TTC13: variants seen among roughly 807,000 people sequenced by gnomAD.
TTC13 encodes tetratricopeptide repeat domain 13.
In TTC13, 62 loss-of-function variants were observed where a neutral mutation model predicts 120.0. The observed-to-expected ratio is 0.52, with a 90% CI of 0.42 to 0.64. TTC13 has a LOEUF of 0.64. TTC13 is among the 30% of genes least tolerant of loss of function. The probability of loss-of-function intolerance (pLI) is 0.00; values close to 1 mark genes in which losing one functional copy is unlikely to be tolerated. For synonymous variants in TTC13, 384 were observed against 393.5 expected, an observed-to-expected ratio of 0.98 and a Z score of 0.28; for missense variants, 824 against 1,050.2, an observed-to-expected ratio of 0.78 and a Z score of 2.98.
chr1:230,936,054 G>C (rs1674022026), intron 8 of TTC13: 1 of 382,988 alleles, frequency 2.6e-6, no homozygotes, highest in African/African-American at 2.1e-5. Flanking sequence ...AGGTGGGGAT[G>C]GGGTGGGGCA....
chr1:230,976,779 A>C (rs1441247701), intron 1 of TTC13, among the ~76,000 whole-genome samples: 1 of 152,250 alleles, frequency 6.6e-6, no homozygotes, highest in African/African-American at 2.4e-5. Context: ...TCGTAATACA[A>C]GTCAGAGCTG....
At chr1:230,952,675 T>G (rs1396105358) in intron 4 of TTC13, among the ~76,000 whole-genome samples, 1 of 152,054 alleles carries the variant, frequency 6.6e-6, no homozygotes, top group South Asian at 2.1e-4. Flanking sequence ...CAACTATAAA[T>G]GGACAAAACA....
At chr1:230,914,963 T>C (rs1022162110) in intron 18 of TTC13, among the ~76,000 whole-genome samples, 1 of 152,102 alleles carries the variant, frequency 6.6e-6, no homozygotes, top group African/African-American at 2.4e-5. Flanking sequence ...AGGAATCTGA[T>C]CTGAGGATAC....
At chr1:230,968,290 A>G (rs576296798) in intron 1 of TTC13, among the ~76,000 whole-genome samples, 1 of 94,168 alleles carries the variant, frequency 1.1e-5, no homozygotes, top group Admixed American at 1.1e-4. Context: ...AGTATTAGGT[A>G]TATGCACACT....
chr1:230,967,423 CTT>C (rs1677233590), intron 1 of TTC13, among the ~76,000 whole-genome samples: 1 of 151,528 alleles, frequency 6.6e-6, no homozygotes, highest in African/African-American at 2.4e-5. Flanking sequence ...TTACCAGAAA[CTT>C]TAAATCAGGA....
chr1:230,956,217 C>A (rs565467661), intron 3 of TTC13, among the ~76,000 whole-genome samples: 1 of 152,388 alleles, frequency 6.6e-6, no homozygotes, highest in African/African-American at 2.4e-5. Flanking sequence ...CAGAGCCTAA[C>A]CTCCCAGGCA....
chr1:230,939,161 A>G (rs1034053340), intron 8 of TTC13, among the ~76,000 whole-genome samples: 2 of 152,264 alleles, frequency 1.3e-5, no homozygotes, highest in Non-Finnish European at 2.9e-5. Context: ...GATAAATTAT[A>G]TGTGGAAAAA....
At chr1:230,960,060 T>C (rs1324344267) in intron 2 of TTC13, among the ~76,000 whole-genome samples, 1 of 152,192 alleles carries the variant, frequency 6.6e-6, no homozygotes, top group Non-Finnish European at 1.5e-5. Flanking sequence ...CAATGCCTGG[T>C]ACATAATGCA....
At position 230,961,211 on chromosome 1, in the gene TTC13, G is replaced by A. The variant is rs780299306; in HGVS notation, c.364C>T (p.Leu122=). Residue 122 remains leucine (L), a splice_region_variant and synonymous_variant, in exon 2 of 23, where the codon CTG becomes TTG. Transcript: ENST00000366661. ...GAACACAGAGAGAAGATGCATACCA[G>A]AATCTTCTCAGTGTTGAGGGAAAGC... ...SLLSLNTEKI[L]SQAKSIAEQK... is the part of the protein sequence containing the mutation. 6.2e-7 allele frequency: 1 copy of A among 1,612,386 alleles called. No individual in the cohort carries two copies. Among genetic ancestry groups the A allele is most frequent in the African/African-American group, 1.3e-5 (1 of 74,876 alleles).
At chr1:230,908,501 T>C in intron 22 of TTC13, 1 of 569,348 alleles carries the variant, frequency 1.8e-6, no homozygotes, top group South Asian at 2.0e-5. Context: ...TCATAGTCCA[T>C]TTTTATCCAT....
chr1:230,908,223 T>C (rs1671131833), intron 22 of TTC13, among the ~76,000 whole-genome samples: 1 of 152,218 alleles, frequency 6.6e-6, no homozygotes, highest in African/African-American at 2.4e-5. Context: ...GGTCTCACTC[T>C]GTCACCCAAG....
intron 8 of TTC13, among the ~76,000 whole-genome samples, chr1:230,935,865 G>A (rs947393755): frequency 6.6e-6 from 1 of 152,228 alleles, no homozygotes; most frequent in Non-Finnish European, 1.5e-5. Flanking sequence ...TCTCTGAGGA[G>A]AGAAAAGAAG....
chr1:230,952,909 T>C (rs997217821), intron 4 of TTC13, among the ~76,000 whole-genome samples: 1 of 152,224 alleles, frequency 6.6e-6, no homozygotes, highest in Non-Finnish European at 1.5e-5. Flanking sequence ...AGTATTATAT[T>C]GTCTTCAACC....
At chr1:230,924,076 A>C in intron 14 of TTC13, 143 bp from the exon 15 acceptor site, 1 of 569,612 alleles carries the variant, frequency 1.8e-6, no homozygotes, top group Non-Finnish European at 3.0e-6. Context: ...ACAAATTCCA[A>C]ACAGATGTTC....
chr1:230,927,271 G>C (rs1046846914), intron 12 of TTC13, among the ~76,000 whole-genome samples: 2 of 152,096 alleles, frequency 1.3e-5, no homozygotes, highest in African/African-American at 4.8e-5. Flanking sequence ...CTTATATCAA[G>C]TATGAGAATA....
chr1:230,954,479 GT>G, intron 3 of TTC13, 76 bp from the exon 4 acceptor site: 6 of 1,172,360 alleles, frequency 5.1e-6, no homozygotes, highest in South Asian at 1.5e-5. Context: ...AAATGCTTTG[GT>G]AAATCTCCAA....
chr1:230,912,309 C>T (rs777088306), intron 19 of TTC13, among the ~76,000 whole-genome samples: 24 of 152,070 alleles, frequency 1.6e-4, no homozygotes, highest in Non-Finnish European at 3.1e-4. Context: ...ACAACCGCAA[C>T]GAAGGGAAGA....
intron 12 of TTC13, among the ~76,000 whole-genome samples, chr1:230,927,068 G>A (rs752873648): frequency 5.3e-5 from 8 of 151,970 alleles, no homozygotes; most frequent in African/African-American, 9.7e-5. Context: ...TTGTTGCCTC[G>A]GTCATTTGTT....
At chr1:230,920,734 C>A in intron 16 of TTC13, 140 bp from the exon 17 acceptor site, 1 of 494,474 alleles carries the variant, frequency 2.0e-6, no homozygotes, top group Non-Finnish European at 3.5e-6. Flanking sequence ...ACAAATAAAC[C>A]TTCCAAATAA....
Sources: gnomAD v4.1 joint callset for allele counts (sites outside exome capture counted in the v4.1 genomes callset) on GRCh38, gnomAD v4.1.1 for gene constraint, MANE v1.5 for transcripts, NCBI Gene and HGNC (gene_info 2026-07-23, HGNC 2026-07-21) for gene names.